Variants in AGO3 observed in about 807,000 individuals in gnomAD.
The protein encoded by AGO3 is protein argonaute-3.
A neutral mutation model predicts 105.5 loss-of-function variants in AGO3; 16 were observed. The ratio of observed to expected loss-of-function variants is 0.15; its 90% CI spans 0.10 to 0.23. The LOEUF (loss-of-function observed/expected upper bound fraction) is 0.23, where lower values mean the gene tolerates loss of function less well. Among genes scored for constraint, AGO3 ranks in the 10% least tolerant of loss-of-function variants. AGO3 has a pLI of 1.00. For synonymous variants in AGO3, 340 were observed against 367.3 expected (o/e 0.93, Z 0.85); for missense variants, 534 against 1,088.0 (o/e 0.49, Z 7.16).
chr1:35,985,709 G>C (rs775760399), intron 5 of AGO3, among the ~76,000 whole-genome samples: 4 of 152,174 alleles, frequency 2.6e-5, no homozygotes, highest in Non-Finnish European at 5.9e-5. Context: ...ATAAAAATGA[G>C]AGAATGTTCC....
intron 11 of AGO3, among the ~76,000 whole-genome samples, chr1:36,024,387 T>C (rs1161154285): frequency 6.6e-6 from 1 of 152,172 alleles, no homozygotes; most frequent in African/African-American, 2.4e-5. Flanking sequence ...TCCTCCTGCC[T>C]TGGCCTCCCA....
rs756064719 is a variant in AGO3 at position 35,972,020 on chromosome 1, A to G, written c.313-4A>G. 18 of 1,613,094 alleles carry G rather than the reference A, an allele frequency of 1.1e-5. No individual in the cohort carries two copies. Among genetic ancestry groups the G allele is most frequent in the Non-Finnish European group, 1.4e-5 (17 of 1,179,506 alleles). ...TTACCAGTTGACTCTTTTCCCATCAACAGGTAGATTTAGACGTTACTTTAC... is the reference window on the plus strand; with the variant it reads ...TTACCAGTTGACTCTTTTCCCATCAGCAGGTAGATTTAGACGTTACTTTAC... On this transcript the variant is annotated splice_polypyrimidine_tract_variant and splice_region_variant and intron_variant, in intron 3 of 18. Transcript: ENST00000373191.
intron 5 of AGO3, among the ~76,000 whole-genome samples, chr1:35,994,186 C>G (rs959817458): frequency 6.6e-6 from 1 of 150,742 alleles, no homozygotes; most frequent in Non-Finnish European, 1.5e-5. Flanking sequence ...TGGGCTCAAG[C>G]AATTCTCCCA....
chr1:35,982,623 A>G, intron 5 of AGO3: 1 of 717,736 alleles, frequency 1.4e-6, no homozygotes. Context: ...TTTTCCAGAA[A>G]GAGACCTCTG....
chr1:36,014,537 C>G (rs1212662456), intron 11 of AGO3, among the ~76,000 whole-genome samples: 1 of 150,880 alleles, frequency 6.6e-6, no homozygotes, highest in Non-Finnish European at 1.5e-5. Context: ...TTTGGGAGGC[C>G]AGGGCGGGTG....
intron 11 of AGO3, 113 bp downstream of exon 11, chr1:36,014,161 C>A: frequency 2.8e-6 from 4 of 1,418,232 alleles, no homozygotes; most frequent in Non-Finnish European, 3.8e-6. Context: ...AATCACTGAA[C>A]CATTTTTTTT....
chr1:35,943,130 G>A (rs1159467646), intron 1 of AGO3, among the ~76,000 whole-genome samples: 3 of 151,720 alleles, frequency 2.0e-5, no homozygotes, highest in Non-Finnish European at 4.4e-5. Flanking sequence ...AGCCTCCCAA[G>A]TAGCTGGTGG....
At chr1:35,971,496 A>G (rs1001639032) in intron 3 of AGO3, among the ~76,000 whole-genome samples, 2 of 151,208 alleles carry the variant, frequency 1.3e-5, no homozygotes, top group Admixed American at 1.3e-4. Flanking sequence ...GAACTTTAAT[A>G]TGCTTCCAAA....
chr1:35,941,267 C>T (rs1056918247), intron 1 of AGO3, among the ~76,000 whole-genome samples: 1 of 151,932 alleles, frequency 6.6e-6, no homozygotes, highest in Non-Finnish European at 1.5e-5. Flanking sequence ...TTTCCACATC[C>T]ACATCACTCC....
In AGO3 at chr1:36,065,939, C is replaced by G. The variant is rs1643086227; in HGVS notation, c.*10194C>G. The G allele has an allele frequency of 1.3e-5, 2 of 151,500 alleles. No individual in the cohort carries two copies. Among genetic ancestry groups the G allele is most frequent in the Non-Finnish European group, 2.9e-5 (2 of 68,122 alleles). The allele number at this position is 151,500 out of a possible 1,614,324, so 9.4% of individuals were successfully genotyped here. On this transcript the variant is annotated 3_prime_UTR_variant, in exon 19 of 19. Coordinates refer to ENST00000373191, the MANE Select transcript of AGO3 (RefSeq NM_024852.4). ...CCAACATGGCAAAACCCTGTCTCTT[C>G]TAAAAATACAAAAATTAGCCGGGTG... is the stretch of plus-strand genomic sequence containing the variant.
At chr1:35,973,225 T>A in intron 4 of AGO3, 150 bp from the exon 5 acceptor site, 1 of 849,490 alleles carries the variant, frequency 1.2e-6, no homozygotes, top group Non-Finnish European at 1.6e-6. Context: ...TGGATACTTT[T>A]TGCTTTCTCA....
intron 1 of AGO3, among the ~76,000 whole-genome samples, chr1:35,945,123 C>A (rs1046028432): frequency 6.6e-6 from 1 of 152,096 alleles, no homozygotes; most frequent in Non-Finnish European, 1.5e-5. Context: ...GAGATACTTA[C>A]CTTGTCAAAT....
chr1:36,048,954 GCCTCATCCTTCCAAAGT>G, intron 17 of AGO3, among the ~76,000 whole-genome samples: 1 of 152,302 alleles, frequency 6.6e-6, no homozygotes, highest in Admixed American at 6.5e-5. Flanking sequence ...CAATCCACCT[GCCTCATCCTTCCAAAGT>G]GCTGGGATTA....
chr1:36,017,474 C>A (rs1640964798), intron 11 of AGO3, among the ~76,000 whole-genome samples: 1 of 152,194 alleles, frequency 6.6e-6, no homozygotes, highest in African/African-American at 2.4e-5. Context: ...TCTAGCACAA[C>A]TTTAGCAAGA....
chr1:36,040,363 C>T lies in AGO3; in HGVS notation c.2094C>T (p.Asp698=), dbSNP rs1642193164. 3.1e-6 allele frequency: 5 copies of T among 1,613,816 alleles called. No homozygotes were observed. Among genetic ancestry groups the T allele is most frequent in the Non-Finnish European group, 4.2e-6 (5 of 1,179,774 alleles). ...IREACISLEK[D]YQPGITYIVV... is the part of the protein sequence containing the mutation. ...AAGCCTGCATCAGTTTGGAGAAAGA[C>T]TATCAACCTGGAATAACCTACATTG... The change falls in exon 16 of 19, where the codon GAC becomes GAT. Residue 698 remains aspartate (D), a synonymous_variant. Transcript: ENST00000373191.
intron 17 of AGO3, among the ~76,000 whole-genome samples, chr1:36,053,985 G>C (rs537400467): frequency 6.6e-6 from 1 of 151,362 alleles, no homozygotes; most frequent in African/African-American, 2.4e-5. Context: ...CACCACATCT[G>C]GCCCACACCT....
rs140804231 is a variant in AGO3 at position 36,020,885 on chromosome 1, G to A, written c.1407-6229G>A. ...ACCAACCTTGGCCTCCCAAAGTGCT[G>A]GGATTACAGGGGTGAGCCACTTGCA... is the stretch of plus-strand genomic sequence containing the variant. On this transcript the variant is annotated intron_variant, in intron 11 of 18. Coordinates refer to ENST00000373191, the MANE Select transcript of AGO3 (RefSeq NM_024852.4). Among the ~76,000 whole-genome samples, 680 of 151,934 alleles carry A rather than the reference G, an allele frequency of 4.5e-3. 6 individuals carry two copies. Among genetic ancestry groups the A allele is most frequent in the African/African-American group, 0.015 (632 of 41,420 alleles).
intron 16 of AGO3, among the ~76,000 whole-genome samples, chr1:36,042,782 C>T (rs1169845527): frequency 6.6e-6 from 1 of 152,156 alleles, no homozygotes; most frequent in African/African-American, 2.4e-5. Flanking sequence ...ATGGTGTCCT[C>T]TTACAAGATG....
At chr1:36,006,595 G>A (rs760367259) in intron 6 of AGO3, among the ~76,000 whole-genome samples, 2 of 151,804 alleles carry the variant, frequency 1.3e-5, no homozygotes, top group African/African-American at 2.4e-5. Context: ...ATATTTTTAC[G>A]TCTTGTTTCT....
Sources: gnomAD v4.1 joint callset for allele counts (sites outside exome capture counted in the v4.1 genomes callset) on GRCh38, gnomAD v4.1.1 for gene constraint, MANE v1.5 for transcripts, NCBI Gene and HGNC (gene_info 2026-07-23, HGNC 2026-07-21) for gene names.